Variants in ST6GAL1 observed in about 807,000 individuals in gnomAD.
ST6GAL1 encodes the protein ST6 beta-galactoside alpha-2,6-sialyltransferase 1, also known as beta-galactoside alpha-2,6-sialyltransferase 1.
In ST6GAL1, 20 loss-of-function variants were observed where a neutral mutation model predicts 38.0. That is an observed-to-expected ratio of 0.53 (90% CI 0.37 to 0.77). The LOEUF is 0.77. ST6GAL1 is among the 30% of genes least tolerant of loss of function. ST6GAL1 has a pLI of 0.00. For synonymous variants in ST6GAL1, 196 were observed against 188.2 expected, an observed-to-expected ratio of 1.04 and a Z score of -0.34; for missense variants, 432 against 496.4, an observed-to-expected ratio of 0.87 and a Z score of 1.23.
At chr3:187,066,542 T>C (rs963244966) in intron 5 of ST6GAL1, among the ~76,000 whole-genome samples, 1 of 151,788 alleles carries the variant, frequency 6.6e-6, no homozygotes, top group African/African-American at 2.4e-5. Flanking sequence ...GAAAACAGAT[T>C]TGAGAAGAAA....
chr3:186,965,682 G>C lies in ST6GAL1; in HGVS notation c.-183+1756G>C, dbSNP rs1210504430. ...AGGGAGCTCAGGTGGAGGGGTGGAG[G>C]ATGGAGCACTGCTCAGGAGGCCGCC... On this transcript the variant is annotated intron_variant, in intron 2 of 7. Transcript: ENST00000169298. Among the ~76,000 whole-genome samples the C allele has an allele frequency of 2.0e-5, 3 of 152,268 alleles. No individual in the cohort carries two copies. The South Asian group carries it at 6.2e-4, about 32-fold the overall frequency.
chr3:186,996,157 G>C (rs1221188802), intron 2 of ST6GAL1, among the ~76,000 whole-genome samples: 1 of 152,204 alleles, frequency 6.6e-6, no homozygotes, highest in Non-Finnish European at 1.5e-5. Context: ...TTGAATAGCA[G>C]TAATATTTGA....
At chr3:186,965,689 C>G (rs541066204) in intron 2 of ST6GAL1, among the ~76,000 whole-genome samples, 1 of 152,104 alleles carries the variant, frequency 6.6e-6, no homozygotes. Flanking sequence ...GAGGATGGAG[C>G]ACTGCTCAGG....
chr3:187,061,140 G>A (rs1373762686), intron 5 of ST6GAL1, among the ~76,000 whole-genome samples: 1 of 151,950 alleles, frequency 6.6e-6, no homozygotes, highest in Non-Finnish European at 1.5e-5. Flanking sequence ...GCATAAAAAA[G>A]CATAAAATAC....
intron 5 of ST6GAL1, among the ~76,000 whole-genome samples, chr3:187,054,564 T>G (rs1718625234): frequency 6.6e-6 from 1 of 152,168 alleles, no homozygotes; most frequent in Non-Finnish European, 1.5e-5. Flanking sequence ...AATCATGTGG[T>G]TTTTGTCATT....
chr3:186,948,140 G>A (rs554422192), intron 1 of ST6GAL1, among the ~76,000 whole-genome samples: 5 of 152,304 alleles, frequency 3.3e-5, no homozygotes, highest in Admixed American at 6.5e-5. Flanking sequence ...CCAGAGTTGC[G>A]TCGGGATGGC....
At chr3:187,026,500 A>T (rs1717541350) in intron 2 of ST6GAL1, among the ~76,000 whole-genome samples, 1 of 152,230 alleles carries the variant, frequency 6.6e-6, no homozygotes, top group Non-Finnish European at 1.5e-5. Flanking sequence ...CTATCATTAA[A>T]TTGTCAGCAC....
intron 5 of ST6GAL1, 51 bp from the exon 6 acceptor site, chr3:187,072,798 A>G (rs767736780): frequency 2.0e-6 from 3 of 1,515,782 alleles, no homozygotes; most frequent in African/African-American, 1.4e-5. Flanking sequence ...CTTCATGTCA[A>G]ACATTTGCAT....
At chr3:186,980,603 CAAA>C (rs34503745) in intron 2 of ST6GAL1, among the ~76,000 whole-genome samples, 26 of 92,154 alleles carry the variant, frequency 2.8e-4, no homozygotes, top group South Asian at 3.8e-4. Flanking sequence ...ACTAAAATTA[CAAA>C]AAAAAAAAAA....
chr3:187,052,604 A>G (rs534785264), intron 5 of ST6GAL1, among the ~76,000 whole-genome samples: 1 of 152,276 alleles, frequency 6.6e-6, no homozygotes, highest in Admixed American at 6.5e-5. Context: ...AGCTTCATCC[A>G]TGTCCCCACA....
intron 2 of ST6GAL1, among the ~76,000 whole-genome samples, chr3:186,987,214 G>A (rs28599807): frequency 0.014 from 2,008 of 145,810 alleles, 37 homozygotes; most frequent in African/African-American, 0.048. Context: ...GAAAGAAAAG[G>A]AAAGAAAGCA....
Position 186,952,383 on chromosome 3 carries a change from A to C in ST6GAL1, c.-324-11402A>C, listed in dbSNP as rs1714606828. Among the ~76,000 whole-genome samples the C allele has an allele frequency of 6.6e-6, 1 of 152,118 alleles. No homozygotes were observed. Among genetic ancestry groups the C allele is most frequent in the African/African-American group, 2.4e-5 (1 of 41,418 alleles). On this transcript the variant is annotated intron_variant, in intron 1 of 7. Transcript: ENST00000169298. This position sits in a 1 kb window ranked among gnomAD's most constrained non-coding sequence, Gnocchi z 4.1. ...AACTTTTGATACAATTGACCATTCC[A>C]TCCTCCTTGAAATAGTTTCTTCTCT... is the stretch of plus-strand genomic sequence containing the variant.
chr3:187,063,922 G>A (rs1046097594), intron 5 of ST6GAL1, among the ~76,000 whole-genome samples: 1 of 151,878 alleles, frequency 6.6e-6, no homozygotes. Flanking sequence ...TTTTTTTTAG[G>A]ATCAAAGGAG....
intron 2 of ST6GAL1, among the ~76,000 whole-genome samples, chr3:186,999,109 G>C (rs1168020938): frequency 1.3e-5 from 2 of 152,226 alleles, no homozygotes; most frequent in Non-Finnish European, 2.9e-5. Flanking sequence ...ACTTGCTCTT[G>C]TGGAGGCAGC....
At chr3:187,027,727 G>A (rs983940757) in intron 2 of ST6GAL1, among the ~76,000 whole-genome samples, 1 of 152,122 alleles carries the variant, frequency 6.6e-6, no homozygotes, top group African/African-American at 2.4e-5. Context: ...CAAACTGCAG[G>A]GGGCTGGGTA....
At chr3:187,010,792 G>A (rs1054893265) in intron 2 of ST6GAL1, among the ~76,000 whole-genome samples, 1 of 152,274 alleles carries the variant, frequency 6.6e-6, no homozygotes, top group African/African-American at 2.4e-5. Flanking sequence ...CCAAAGCCCC[G>A]CGTCTATCAC....
chr3:186,994,660 G>A (rs993994018), intron 2 of ST6GAL1, among the ~76,000 whole-genome samples: 1 of 152,026 alleles, frequency 6.6e-6, no homozygotes, highest in East Asian at 1.9e-4. Flanking sequence ...AAAAGATAGA[G>A]ACCCTTTAAA....
chr3:186,948,067 C>G (rs1193251102), intron 1 of ST6GAL1, among the ~76,000 whole-genome samples: 1 of 152,148 alleles, frequency 6.6e-6, no homozygotes, highest in Non-Finnish European at 1.5e-5. Flanking sequence ...GTGTCTGGCT[C>G]TCTCCCTGCC....
chr3:187,034,389 T>G (rs1382998519), intron 2 of ST6GAL1, among the ~76,000 whole-genome samples: 1 of 152,090 alleles, frequency 6.6e-6, no homozygotes. Context: ...GACAGATCCC[T>G]CTCTAACTCA....
Sources: gnomAD v4.1 joint callset for allele counts (sites outside exome capture counted in the v4.1 genomes callset) on GRCh38, gnomAD v4.1.1 for gene constraint, Gnocchi (gnomAD v3.1) non-coding constraint, MANE v1.5 for transcripts, NCBI Gene and HGNC (gene_info 2026-07-23, HGNC 2026-07-21) for gene names.